The following PSPC1 variants were observed in gnomAD, a reference collection of about 807,000 sequenced individuals.
PSPC1 encodes paraspeckle protein 1.
Under a neutral mutation model 51.6 loss-of-function variants are expected in PSPC1, and 14 were observed. The observed-to-expected ratio is 0.27, with a 90% CI of 0.18 to 0.42. The LOEUF (loss-of-function observed/expected upper bound fraction) is 0.42. Among genes scored for constraint, PSPC1 ranks in the 10% least tolerant of loss-of-function variants. The pLI, the probability that PSPC1 is intolerant of heterozygous loss-of-function variation, is 1.00. For missense variants in PSPC1, 406 were observed against 701.1 expected, an observed-to-expected ratio of 0.58 and a Z score of 4.75; for synonymous variants, 193 against 231.9, an observed-to-expected ratio of 0.83 and a Z score of 1.53.
chr13:19,721,961 T>C (rs1008428167), intron 6 of PSPC1, among the ~76,000 whole-genome samples: 2 of 152,248 alleles, frequency 1.3e-5, no homozygotes, highest in African/African-American at 4.8e-5. Context: ...GAGGCATTAA[T>C]ATTCAATAAA....
chr13:19,709,610 A>G lies in PSPC1; in HGVS notation c.1159-11T>C, dbSNP rs1216238899. ...CATTTCCTGTTCTCTCTGTAAGTAA[A>G]CATAGTTGTCACAGTCAACCTATCG... On this transcript the variant is annotated splice_polypyrimidine_tract_variant and intron_variant, in intron 6 of 8. Transcript: ENST00000338910. 1 of 1,599,062 alleles carries G rather than the reference A, an allele frequency of 6.3e-7. No individual in the cohort carries two copies. Among genetic ancestry groups the G allele is most frequent in the South Asian group, 1.1e-5 (1 of 88,626 alleles).
chr13:19,760,145 A>T (rs1887478248), intron 2 of PSPC1, among the ~76,000 whole-genome samples: 1 of 152,144 alleles, frequency 6.6e-6, no homozygotes, highest in Admixed American at 6.6e-5. Context: ...ATATATCTTT[A>T]TCATCAACAT....
intron 6 of PSPC1, among the ~76,000 whole-genome samples, chr13:19,692,696 C>A (rs1878713006): frequency 6.6e-6 from 1 of 152,178 alleles, no homozygotes; most frequent in African/African-American, 2.4e-5. Context: ...ACACACTTAC[C>A]TTTGGCGTCT....
downstream of PSPC1, among the ~76,000 whole-genome samples, chr13:19,702,348 C>A (rs1266603118): frequency 1.3e-5 from 2 of 152,138 alleles, no homozygotes. Context: ...ACAGCCAACC[C>A]AACAGTATTG....
chr13:19,718,134 C>A (rs955144715), intron 6 of PSPC1, among the ~76,000 whole-genome samples: 1 of 152,134 alleles, frequency 6.6e-6, no homozygotes, highest in Non-Finnish European at 1.5e-5. Context: ...CCAACCTAAT[C>A]AATAGTGAAT....
At chr13:19,718,057 A>G (rs1383743835) in intron 6 of PSPC1, among the ~76,000 whole-genome samples, 1 of 152,098 alleles carries the variant, frequency 6.6e-6, no homozygotes, top group East Asian at 1.9e-4. Context: ...AAATTTTTAA[A>G]CGTTTTAAAA....
chr13:19,772,030 C>T (rs776401563), intron 2 of PSPC1, among the ~76,000 whole-genome samples: 14 of 152,250 alleles, frequency 9.2e-5, no homozygotes, highest in Non-Finnish European at 1.3e-4. Context: ...TAATACAAAA[C>T]ACTGCAGAGA....
intron 6 of PSPC1, among the ~76,000 whole-genome samples, chr13:19,721,717 G>T (rs1025823328): frequency 1.3e-5 from 2 of 152,096 alleles, no homozygotes; most frequent in African/African-American, 4.8e-5. Flanking sequence ...TTGAATACAG[G>T]AAACAGTGAA....
At chr13:19,719,485 T>C (rs1335300697) in intron 6 of PSPC1, among the ~76,000 whole-genome samples, 3 of 152,298 alleles carry the variant, frequency 2.0e-5, no homozygotes, top group African/African-American at 7.2e-5. Flanking sequence ...TCTTAATTTA[T>C]ACTGCAAGGT....
intron 4 of PSPC1, among the ~76,000 whole-genome samples, chr13:19,750,928 GC>G (rs2138123921): frequency 6.6e-6 from 1 of 151,876 alleles, no homozygotes; most frequent in East Asian, 1.9e-4. Context: ...CACCACCACG[GC>G]TGGCTAATTT....
chr13:19,695,577 C>A (rs770295453), intron 6 of PSPC1, among the ~76,000 whole-genome samples: 50 of 152,254 alleles, frequency 3.3e-4, no homozygotes, highest in Admixed American at 7.2e-4. Flanking sequence ...ATATAAAGTT[C>A]TATGGCTGCC....
At chr13:19,671,898 A>G (rs761399873), downstream of PSPC1, 105 of 1,610,774 alleles carry the variant, frequency 6.5e-5, no homozygotes, top group Non-Finnish European at 8.5e-5. Flanking sequence ...GACTGGGCGG[A>G]GTTCTCTTCA....
intron 5 of PSPC1, among the ~76,000 whole-genome samples, chr13:19,730,958 AAAAAAAC>A (rs1566002238): frequency 0.3 from 9,456 of 31,378 alleles, 1,366 homozygotes; most frequent in East Asian, 0.47. Flanking sequence ...AAAAAAAAAC[AAAAAAAC>A]AAAAAAAAAA....
intron 4 of PSPC1, among the ~76,000 whole-genome samples, chr13:19,745,488 T>G (rs1206071060): frequency 6.6e-6 from 1 of 152,206 alleles, no homozygotes; most frequent in African/African-American, 2.4e-5. Flanking sequence ...AATTTAAAAT[T>G]GCACAAGTCA....
At chr13:19,776,412 G>A (rs571635269) in intron 1 of PSPC1, among the ~76,000 whole-genome samples, 1 of 152,238 alleles carries the variant, frequency 6.6e-6, no homozygotes, top group East Asian at 1.9e-4. Context: ...GCTAGAGTGA[G>A]CCATGATCAT....
intron 6 of PSPC1, among the ~76,000 whole-genome samples, chr13:19,693,862 G>A (rs1205480098): frequency 4.6e-5 from 7 of 152,142 alleles, no homozygotes; most frequent in South Asian, 4.1e-4. Context: ...GGTGGCTCAC[G>A]CCTGTAATCC....
intron 6 of PSPC1, chr13:19,678,113 T>G (rs535141585): frequency 3.5e-6 from 1 of 281,840 alleles, no homozygotes; most frequent in East Asian, 1.1e-4. Flanking sequence ...TGCTAATAAT[T>G]TATTAAGAAT....
chr13:19,684,105 G>A (rs1307280445), intron 6 of PSPC1, among the ~76,000 whole-genome samples: 1 of 152,192 alleles, frequency 6.6e-6, no homozygotes, highest in African/African-American at 2.4e-5. Flanking sequence ...TCGTTAGGAA[G>A]TGAGACATGT....
intron 3 of PSPC1, among the ~76,000 whole-genome samples, chr13:19,754,933 T>TA (rs1566032229): frequency 2.6e-5 from 4 of 151,782 alleles, no homozygotes; most frequent in South Asian, 2.1e-4. Flanking sequence ...AGGAACCCTT[T>TA]AAAAAAAATG....
Sources: gnomAD v4.1 joint callset for allele counts (sites outside exome capture counted in the v4.1 genomes callset) on GRCh38, gnomAD v4.1.1 for gene constraint, MANE v1.5 for transcripts, NCBI Gene and HGNC (gene_info 2026-07-23, HGNC 2026-07-21) for gene names.